Variants in RSBN1 observed in about 807,000 individuals in gnomAD.
RSBN1 encodes the protein lysine-specific demethylase 9.
Under a neutral mutation model 74.8 loss-of-function variants are expected in RSBN1, and 23 were observed. The observed-to-expected ratio is 0.31, with a 90% CI of 0.22 to 0.44. RSBN1 has a LOEUF of 0.44. Ranked by LOEUF, RSBN1 falls within the 20% of genes least tolerant of loss-of-function variation. The probability of loss-of-function intolerance (pLI) is 1.00; values close to 1 mark genes in which losing one functional copy is unlikely to be tolerated. For synonymous variants in RSBN1, 407 were observed against 379.6 expected, an observed-to-expected ratio of 1.07 and a Z score of -0.84; for missense variants, 808 against 1,020.9, an observed-to-expected ratio of 0.79 and a Z score of 2.84.
intron 5 of RSBN1, 48 bp downstream of exon 5, chr1:113,768,174 G>T (rs1354404629): frequency 2.7e-6 from 4 of 1,507,926 alleles, no homozygotes; most frequent in African/African-American, 1.4e-5. Context: ...AGTCCACATT[G>T]TCTTATACAA....
In RSBN1 at chr1:113,797,848, TTTGTCC is replaced by T; in HGVS notation, c.886_891del (p.Gly296_Gln297del). On this transcript the variant is annotated inframe_deletion, in exon 2 of 7. Coordinates refer to ENST00000261441, the MANE Select transcript of RSBN1 (RefSeq NM_018364.5). ...TTATTAAGTCCTGAAGTGCTATTTA[TTTGTCC>T]TTGGGTGAGAATTTCTTTACTGATG... is the stretch of plus-strand genomic sequence containing the variant. The T allele has an allele frequency of 6.2e-7, 1 of 1,614,090 alleles. No homozygotes were observed. Among genetic ancestry groups the T allele is most frequent in the Non-Finnish European group, 8.5e-7 (1 of 1,179,970 alleles).
At chr1:113,806,434 C>T (rs1320076350) in intron 1 of RSBN1, among the ~76,000 whole-genome samples, 1 of 151,758 alleles carries the variant, frequency 6.6e-6, no homozygotes, top group East Asian at 1.9e-4. Context: ...ACAAAAGGTG[C>T]TAGAGCAACT....
intron 4 of RSBN1, among the ~76,000 whole-genome samples, chr1:113,773,093 A>G (rs946092430): frequency 1.3e-4 from 20 of 151,072 alleles, no homozygotes; most frequent in Non-Finnish European, 2.5e-4. Context: ...AACAGAAGGG[A>G]AAAAAAGCTT....
In RSBN1 at chr1:113,812,150, T is replaced by C. The variant is rs1167217365; in HGVS notation, c.263A>G (p.Gln88Arg). 1.2e-6 allele frequency: 2 copies of C among 1,609,798 alleles called. No individual in the cohort carries two copies. Among genetic ancestry groups the C allele is most frequent in the Non-Finnish European group, 1.7e-6 (2 of 1,179,802 alleles). Residue 88 changes from glutamine to arginine, a missense_variant, in exon 1 of 7, where the codon CAG becomes CGG. By Grantham distance (43) the Gln-to-Arg change is conservative. Transcript: ENST00000261441. ...AGVSPRGVKR[Q>R]RRSSSGGSQE... ...AGACCCCCCACTGCTAGATCGGCGC[T>C]GCCGTTTAACTCCCCGCGGGGAGAC...
At chr1:113,782,805 T>C (rs1660164226) in intron 2 of RSBN1, among the ~76,000 whole-genome samples, 1 of 152,192 alleles carries the variant, frequency 6.6e-6, no homozygotes, top group Admixed American at 6.5e-5. Context: ...CTCACCAGCA[T>C]TTATTTTTTG....
intron 2 of RSBN1, among the ~76,000 whole-genome samples, chr1:113,789,008 G>A (rs1167554993): frequency 6.6e-6 from 1 of 152,050 alleles, no homozygotes; most frequent in Admixed American, 6.6e-5. Context: ...ATATGTATCT[G>A]GTCTTCATCC....
intron 4 of RSBN1, among the ~76,000 whole-genome samples, chr1:113,775,111 G>A (rs944003859): frequency 1.6e-4 from 24 of 149,900 alleles, no homozygotes; most frequent in Admixed American, 6.0e-4. Context: ...TGCAACCTTC[G>A]CCTCCCAGGT....
chr1:113,788,173 G>C (rs932136408), intron 2 of RSBN1, among the ~76,000 whole-genome samples: 2 of 151,722 alleles, frequency 1.3e-5, no homozygotes, highest in Non-Finnish European at 2.9e-5. Context: ...TCTACCCCCA[G>C]AAAGCAGGAA....
intron 4 of RSBN1, among the ~76,000 whole-genome samples, chr1:113,775,572 A>G (rs1660009780): frequency 6.6e-6 from 1 of 150,550 alleles, no homozygotes; most frequent in African/African-American, 2.4e-5. Context: ...CCTGGACTCA[A>G]GCAATCTGCC....
At chr1:113,811,586 T>G in intron 1 of RSBN1, 124 bp downstream of exon 1, 2 of 1,384,958 alleles carry the variant, frequency 1.4e-6, no homozygotes, top group Non-Finnish European at 9.4e-7. Flanking sequence ...TCCACCCCAG[T>G]GAGCTTAGAG....
intron 1 of RSBN1, among the ~76,000 whole-genome samples, chr1:113,809,626 T>G (rs1660790393): frequency 6.6e-6 from 1 of 152,306 alleles, no homozygotes; most frequent in South Asian, 2.1e-4. Context: ...AAAATTCTTT[T>G]TCACCCAAAA....
intron 2 of RSBN1, among the ~76,000 whole-genome samples, chr1:113,794,747 C>T (rs1660437803): frequency 6.6e-6 from 1 of 152,146 alleles, no homozygotes; most frequent in Admixed American, 6.5e-5. Context: ...CTATGCGTAC[C>T]TCTACTCAAG....
At chr1:113,782,871 T>A (rs1420016929) in intron 2 of RSBN1, among the ~76,000 whole-genome samples, 1 of 152,232 alleles carries the variant, frequency 6.6e-6, no homozygotes, top group Non-Finnish European at 1.5e-5. Flanking sequence ...TAGTTCTGAC[T>A]TCCATTTCCC....
intron 1 of RSBN1, among the ~76,000 whole-genome samples, chr1:113,798,712 G>T (rs1177431379): frequency 6.6e-6 from 1 of 152,112 alleles, no homozygotes; most frequent in African/African-American, 2.4e-5. Flanking sequence ...GAAAATAATT[G>T]AAGATTATAT....
intron 2 of RSBN1, among the ~76,000 whole-genome samples, chr1:113,783,543 C>T (rs763989938): frequency 6.6e-6 from 1 of 152,138 alleles, no homozygotes; most frequent in Non-Finnish European, 1.5e-5. Flanking sequence ...CAAAGTATTC[C>T]TTCTTTTTAG....
At chr1:113,785,135 TA>T in intron 2 of RSBN1, among the ~76,000 whole-genome samples, 1 of 152,136 alleles carries the variant, frequency 6.6e-6, no homozygotes, top group Middle Eastern at 3.4e-3. Context: ...CTTTTTTTTT[TA>T]CTTTTTTTAA....
At chr1:113,787,729 C>T (rs1660273459) in intron 2 of RSBN1, among the ~76,000 whole-genome samples, 1 of 152,308 alleles carries the variant, frequency 6.6e-6, no homozygotes, top group Non-Finnish European at 1.5e-5. Flanking sequence ...CCTACTCCAT[C>T]CCCTGACAAA....
In RSBN1 at chr1:113,765,913, A is replaced by G; in HGVS notation, c.*67T>C. ...TCTCCAATAAAACTTAACTTAAGCC[A>G]GTTATAAAACTATAACTTCACATCA... On this transcript the variant is annotated 3_prime_UTR_variant, in exon 7 of 7. Coordinates refer to ENST00000261441, the MANE Select transcript of RSBN1 (RefSeq NM_018364.5). 1.7e-6 allele frequency: 2 copies of G among 1,189,536 alleles called. No homozygotes were observed. The highest frequency in any genetic ancestry group is 3.0e-5 in the South Asian group (2 of 66,064). 73.7% of individuals were successfully genotyped at this position (1,189,536 alleles called of 1,614,324 possible).
intron 4 of RSBN1, among the ~76,000 whole-genome samples, 165 bp downstream of exon 4, chr1:113,777,043 AAT>A (rs1660047243): frequency 6.6e-6 from 1 of 152,152 alleles, no homozygotes; most frequent in African/African-American, 2.4e-5. Context: ...GTTTTAGAAA[AAT>A]GCCTCACTGT....
Sources: gnomAD v4.1 joint callset for allele counts (sites outside exome capture counted in the v4.1 genomes callset) on GRCh38, gnomAD v4.1.1 for gene constraint, MANE v1.5 for transcripts, NCBI Gene and HGNC (gene_info 2026-07-23, HGNC 2026-07-21) for gene names.